Variants in LRRC43 observed in about 807,000 individuals in gnomAD.
LRRC43 encodes the protein leucine-rich repeat-containing protein 43.
Under a neutral mutation model 64.3 loss-of-function variants are expected in LRRC43, and 62 were observed. That is an observed-to-expected ratio of 0.96 (90% confidence interval 0.79 to 1.19). The LOEUF (loss-of-function observed/expected upper bound fraction) is 1.19. LRRC43 is among the 50% of genes most tolerant of loss of function. The pLI, the probability that LRRC43 is intolerant of heterozygous loss-of-function variation, is 0.00. For missense variants in LRRC43, 868 were observed against 845.0 expected, an observed-to-expected ratio of 1.03 and a Z score of -0.34; for synonymous variants, 422 against 382.3, an observed-to-expected ratio of 1.10 and a Z score of -1.21.
At chr12:122,196,587 G>A (rs1234159061) in intron 7 of LRRC43, among the ~76,000 whole-genome samples, 1 of 151,948 alleles carries the variant, frequency 6.6e-6, no homozygotes, top group African/African-American at 2.4e-5. Flanking sequence ...GGCCAACATG[G>A]TGAAACCCTG....
chr12:122,186,138 G>A, intron 2 of LRRC43, 52 bp from the exon 3 acceptor site: 1 of 991,704 alleles, frequency 1.0e-6, no homozygotes, highest in Non-Finnish European at 1.6e-6. Flanking sequence ...TGGGTTCTGT[G>A]CCCGTGCTCC....
intron 1 of LRRC43, among the ~76,000 whole-genome samples, chr12:122,170,789 C>T (rs892718945): frequency 6.6e-6 from 1 of 151,930 alleles, no homozygotes; most frequent in African/African-American, 2.4e-5. Flanking sequence ...CTCAGTTTCC[C>T]CCGAGATAAG....
chr12:122,188,449 A>C (rs1953673664), intron 4 of LRRC43, among the ~76,000 whole-genome samples: 1 of 137,974 alleles, frequency 7.2e-6, no homozygotes, highest in African/African-American at 3.2e-5. Context: ...TTTTTATTTT[A>C]ATTTTTTTTT....
chr12:122,183,186 G>T lies in LRRC43; in HGVS notation c.42G>T (p.Glu14Asp), dbSNP rs752328256. ...AGTCCGAGTCCGAGTCCGAGTCTGA[G>T]GCCGGGCCTGGGACTCAGCGGCCCG... ...SYESESESES[E>D]AGPGTQRPGT... Residue 14 changes from glutamate to aspartate, a missense_variant, in exon 1 of 12, where the codon GAG (glutamate) becomes GAT (aspartate). Physicochemically the swap from Glu to Asp is conservative, Grantham distance 45. Coordinates refer to ENST00000339777, the MANE Select transcript of LRRC43 (RefSeq NM_001098519.2). The T allele has an allele frequency of 1.9e-6, 3 of 1,559,868 alleles. No individual in the cohort carries two copies. Among genetic ancestry groups the T allele is most frequent in the Admixed American group, 1.8e-5 (1 of 54,892 alleles).
intron 1 of LRRC43, among the ~76,000 whole-genome samples, chr12:122,170,543 A>G (rs1239848078): frequency 6.6e-6 from 1 of 152,104 alleles, no homozygotes; most frequent in African/African-American, 2.4e-5. Context: ...AGGCAGGAGA[A>G]TCGCTTGAAC....
intron 2 of LRRC43, among the ~76,000 whole-genome samples, chr12:122,185,006 G>T (rs1953627001): frequency 6.6e-6 from 1 of 152,186 alleles, no homozygotes; most frequent in Non-Finnish European, 1.5e-5. Flanking sequence ...AGCCATCATG[G>T]CACAGCTTCC....
upstream of LRRC43, among the ~76,000 whole-genome samples, chr12:122,180,197 T>C (rs1330077270): frequency 2.0e-5 from 3 of 151,870 alleles, no homozygotes; most frequent in Non-Finnish European, 4.4e-5. Flanking sequence ...GTGGCAGTTA[T>C]ATTGTGGTGG....
intron 4 of LRRC43, 137 bp downstream of exon 4, chr12:122,187,977 T>A: frequency 1.2e-6 from 1 of 842,226 alleles, no homozygotes; most frequent in Non-Finnish European, 1.8e-6. Context: ...AGACTTATGG[T>A]TTATTTCTCT....
At chr12:122,198,233 T>C (rs1358044675) in intron 7 of LRRC43, among the ~76,000 whole-genome samples, 1 of 152,184 alleles carries the variant, frequency 6.6e-6, no homozygotes, top group Non-Finnish European at 1.5e-5. Flanking sequence ...GTGATTCATC[T>C]GCCTCAGCCT....
At chr12:122,170,728 A>G (rs1405034152) in intron 1 of LRRC43, among the ~76,000 whole-genome samples, 1 of 152,176 alleles carries the variant, frequency 6.6e-6, no homozygotes, top group Non-Finnish European at 1.5e-5. Context: ...TCAGAGTCCT[A>G]ACCACATCCC....
At chr12:122,199,641 T>C (rs1168728869) in intron 7 of LRRC43, among the ~76,000 whole-genome samples, 1 of 151,570 alleles carries the variant, frequency 6.6e-6, no homozygotes. Context: ...TCGAGTACAG[T>C]GGCATGAACA....
chr12:122,197,655 G>A (rs547166668), intron 7 of LRRC43, among the ~76,000 whole-genome samples: 1 of 152,212 alleles, frequency 6.6e-6, no homozygotes, highest in African/African-American at 2.4e-5. Flanking sequence ...ATGGAGGAAG[G>A]CAGGGATTGG....
chr12:122,178,989 A>G (rs964999009), upstream of LRRC43, among the ~76,000 whole-genome samples: 3 of 152,194 alleles, frequency 2.0e-5, no homozygotes. Context: ...GAGCAACTGG[A>G]TAAATGATAT....
rs531224752 is a variant in LRRC43 at position 122,196,869 on chromosome 12, A to G, written c.1350-3320A>G. Among the ~76,000 whole-genome samples the G allele has an allele frequency of 2.0e-5, 3 of 152,350 alleles. No homozygotes were observed. In the South Asian group the frequency reaches 6.2e-4, roughly 32 times the overall value. On this transcript the variant is annotated intron_variant, in intron 7 of 11. Transcript: ENST00000339777. ...ACAAGTGGTACGTCAGAGGAAGTAC[A>G]GGACAAATCTCTGCCCCTAGGATGG...
At chr12:122,192,504 A>C (rs1369642736) in intron 6 of LRRC43, among the ~76,000 whole-genome samples, 1 of 152,220 alleles carries the variant, frequency 6.6e-6, no homozygotes, top group African/African-American at 2.4e-5. Flanking sequence ...GATACCATCC[A>C]ACCAGGAGAA....
At chr12:122,185,424 G>T (rs1462735983) in intron 2 of LRRC43, among the ~76,000 whole-genome samples, 1 of 152,182 alleles carries the variant, frequency 6.6e-6, no homozygotes, top group Non-Finnish European at 1.5e-5. Flanking sequence ...CAGTGATCAT[G>T]ATCGCACCGC....
At chr12:122,203,253 G>A (rs1953864344) in intron 11 of LRRC43, 62 bp from the exon 12 acceptor site, 1 of 1,583,622 alleles carries the variant, frequency 6.3e-7, no homozygotes, top group African/African-American at 1.3e-5. Flanking sequence ...ATGGGTCAGG[G>A]CGGCCGAGAA....
upstream of LRRC43, among the ~76,000 whole-genome samples, chr12:122,178,354 CCT>C (rs1953554970): frequency 1.3e-5 from 2 of 152,070 alleles, no homozygotes; most frequent in East Asian, 3.9e-4. Context: ...CCCTTTTGCC[CCT>C]CTCCCTAGCT....
At chr12:122,186,879 A>G (rs1382553799) in intron 3 of LRRC43, among the ~76,000 whole-genome samples, 4 of 152,232 alleles carry the variant, frequency 2.6e-5, no homozygotes, top group African/African-American at 9.6e-5. Context: ...AGACTGTGCC[A>G]CTGCACTCCA....
Sources: allele counts gnomAD v4.1 joint callset (sites outside exome capture counted in the v4.1 genomes callset), GRCh38; gene constraint gnomAD v4.1.1; transcripts MANE v1.5; gene names NCBI Gene and HGNC (gene_info 2026-07-23, HGNC 2026-07-21).